ZFHX3: variants seen among roughly 807,000 people sequenced by gnomAD.
The protein encoded by ZFHX3 is zinc finger homeobox 3, also known as zinc finger homeobox protein 3.
In ZFHX3, 42 loss-of-function variants were observed where a neutral mutation model predicts 279.1. That is an observed-to-expected ratio of 0.15 (90% confidence interval 0.12 to 0.19). The LOEUF (loss-of-function observed/expected upper bound fraction) is 0.19, where lower values mean the gene tolerates loss of function less well. Ranked by LOEUF, ZFHX3 falls within the 10% of genes least tolerant of loss-of-function variation. ZFHX3 has a pLI of 1.00. For synonymous variants in ZFHX3, 2,293 were observed against 1,957.8 expected, an observed-to-expected ratio of 1.17 and a Z score of -4.52; for missense variants, 4,981 against 4,754.0, an observed-to-expected ratio of 1.05 and a Z score of -1.40.
chr16:73,513,849 C>G (rs1056650730), intron 2 of ZFHX3, among the ~76,000 whole-genome samples: 1 of 152,060 alleles, frequency 6.6e-6, no homozygotes, highest in African/African-American at 2.4e-5. Flanking sequence ...GCTGAACAAG[C>G]AGAAGGACAC....
chr16:72,871,719 C>T (rs577398396), intron 4 of ZFHX3, among the ~76,000 whole-genome samples: 137 of 151,660 alleles, frequency 9.0e-4, no homozygotes, highest in African/African-American at 2.6e-3. Context: ...TCATGTGATC[C>T]GCCCGCCTCA....
intron 1 of ZFHX3, among the ~76,000 whole-genome samples, chr16:72,970,200 ATTAAAAAAGATTTTT>A (rs1962041733): frequency 6.7e-6 from 1 of 150,218 alleles, no homozygotes; most frequent in Non-Finnish European, 1.5e-5. Context: ...ACTTAGAGGA[ATTAAAAAAGATTTTT>A]TTTTTTTTTA....
chr16:72,920,464 G>A (rs1192618206), intron 3 of ZFHX3, among the ~76,000 whole-genome samples: 1 of 151,144 alleles, frequency 6.6e-6, no homozygotes, highest in East Asian at 2.0e-4. Context: ...TGGATCACCT[G>A]AGGTCAGAAG....
At chr16:73,574,291 G>A (rs995217834) in intron 2 of ZFHX3, among the ~76,000 whole-genome samples, 1 of 152,054 alleles carries the variant, frequency 6.6e-6, no homozygotes, top group Non-Finnish European at 1.5e-5. Flanking sequence ...ATCCAGATAT[G>A]TGACTATGCC....
At chr16:73,303,043 T>C (rs2015095224) in intron 4 of ZFHX3, among the ~76,000 whole-genome samples, 1 of 152,186 alleles carries the variant, frequency 6.6e-6, no homozygotes, top group South Asian at 2.1e-4. Flanking sequence ...CTTTTTTTTT[T>C]TTTGAGACAG....
At chr16:72,955,675 G>A (rs1364826555) in intron 2 of ZFHX3, among the ~76,000 whole-genome samples, 2 of 151,344 alleles carry the variant, frequency 1.3e-5, no homozygotes, top group Non-Finnish European at 2.9e-5. Flanking sequence ...CTACTTGGGA[G>A]GCTCTGGCAG....
In ZFHX3 at chr16:72,881,961, T is replaced by C. The variant is rs144432064; in HGVS notation, c.3448+7770A>G. Among the ~76,000 whole-genome samples, 4 of 152,288 alleles carry C rather than the reference T, an allele frequency of 2.6e-5. No individual in the cohort carries two copies. The East Asian group carries it at 5.8e-4, about 22-fold the overall frequency. ...CTTGGGATGTTTCGAAATAAAGGTT[T>C]CACAGAAAGAACACTTGGTATGACA... On this transcript the variant is annotated intron_variant, in intron 4 of 9. Coordinates refer to ENST00000268489, the MANE Select transcript of ZFHX3 (RefSeq NM_006885.4).
chr16:73,639,438 G>C (rs950803996), intron 2 of ZFHX3, among the ~76,000 whole-genome samples: 1 of 152,124 alleles, frequency 6.6e-6, no homozygotes, highest in Admixed American at 6.5e-5. Context: ...GCCCCATAAG[G>C]TTCAATAGTC....
chr16:73,014,794 G>A (rs1438290745), intron 1 of ZFHX3, among the ~76,000 whole-genome samples: 1 of 151,932 alleles, frequency 6.6e-6, no homozygotes, highest in East Asian at 1.9e-4. Flanking sequence ...TTACAGGCAT[G>A]AGCCACCATG....
intron 3 of ZFHX3, among the ~76,000 whole-genome samples, chr16:73,321,664 T>C (rs773139995): frequency 9.2e-5 from 14 of 152,360 alleles, no homozygotes; most frequent in Admixed American, 2.6e-4. Context: ...CCTTCTTCTC[T>C]ACATGCTGCA....
chr16:73,111,980 GA>G (rs1444117697), intron 7 of ZFHX3, among the ~76,000 whole-genome samples: 1 of 152,122 alleles, frequency 6.6e-6, no homozygotes, highest in East Asian at 1.9e-4. Flanking sequence ...CCTCTACCAA[GA>G]ATCGCTTTAG....
chr16:73,802,668 C>T (rs1960176810), intron 1 of ZFHX3, among the ~76,000 whole-genome samples: 1 of 152,180 alleles, frequency 6.6e-6, no homozygotes, highest in Non-Finnish European at 1.5e-5. Flanking sequence ...ATGGACACTG[C>T]TCTGCCCTTT....
chr16:73,613,925 C>G (rs2052273344), intron 2 of ZFHX3, among the ~76,000 whole-genome samples: 3 of 152,214 alleles, frequency 2.0e-5, no homozygotes, highest in African/African-American at 7.2e-5. Flanking sequence ...CATCTGAACC[C>G]TAACCTCTTT....
chr16:73,221,338 A>G (rs2012413115), intron 5 of ZFHX3, among the ~76,000 whole-genome samples: 1 of 152,206 alleles, frequency 6.6e-6, no homozygotes, highest in Non-Finnish European at 1.5e-5. Flanking sequence ...TCTATTTTAT[A>G]CATCTTCAAA....
At chr16:73,159,130 G>C (rs762487684) in intron 5 of ZFHX3, among the ~76,000 whole-genome samples, 25 of 152,208 alleles carry the variant, frequency 1.6e-4, no homozygotes, top group Non-Finnish European at 2.9e-4. Context: ...ACTGTCAACA[G>C]AGTACACAGA....
At chr16:73,665,402 C>G (rs1445547602) in intron 2 of ZFHX3, among the ~76,000 whole-genome samples, 1 of 150,690 alleles carries the variant, frequency 6.6e-6, no homozygotes, top group South Asian at 2.1e-4. Context: ...TTAGTAGAGA[C>G]GGGGTTCCAC....
At chr16:72,813,524 G>A (rs1430493732) in intron 5 of ZFHX3, among the ~76,000 whole-genome samples, 1 of 152,198 alleles carries the variant, frequency 6.6e-6, no homozygotes, top group Non-Finnish European at 1.5e-5. Context: ...TCTTCCCAGA[G>A]TGCACATCTT....
intron 6 of ZFHX3, among the ~76,000 whole-genome samples, chr16:73,143,072 C>T (rs1223315495): frequency 6.6e-6 from 1 of 151,972 alleles, no homozygotes; most frequent in Non-Finnish European, 1.5e-5. Flanking sequence ...GTCACTTGAC[C>T]CAACAGATTT....
At chr16:72,933,813 C>CTTTTTT (rs71391468) in intron 3 of ZFHX3, among the ~76,000 whole-genome samples, 7,715 of 111,232 alleles carry the variant, frequency 0.069, 734 homozygotes, top group Non-Finnish European at 0.12. Flanking sequence ...TCACAACTTT[C>CTTTTTT]TTTTTTTTTT....
Sources: allele counts gnomAD v4.1 joint callset (sites outside exome capture counted in the v4.1 genomes callset), GRCh38; gene constraint gnomAD v4.1.1; transcripts MANE v1.5; gene names NCBI Gene and HGNC (gene_info 2026-07-23, HGNC 2026-07-21).